The following CCDC178 variants were observed in gnomAD, a reference collection of about 807,000 sequenced individuals.
CCDC178 encodes coiled-coil domain containing 178, also known as coiled-coil domain-containing protein 178.
A neutral mutation model predicts 117.4 loss-of-function variants in CCDC178; 126 were observed. The ratio of observed to expected loss-of-function variants is 1.07; its 90% CI spans 0.93 to 1.24. The LOEUF is 1.24. Among genes scored for constraint, CCDC178 ranks in the 50% most tolerant of loss-of-function variants. The pLI, the probability that CCDC178 is intolerant of heterozygous loss-of-function variation, is 0.00. For missense variants in CCDC178, 1,030 were observed against 986.9 expected, an observed-to-expected ratio of 1.04 and a Z score of -0.59; for synonymous variants, 283 against 313.4, an observed-to-expected ratio of 0.90 and a Z score of 1.02.
At chr18:33,247,093 T>TGTGA (rs557237712) in intron 14 of CCDC178, among the ~76,000 whole-genome samples, 6,723 of 148,114 alleles carry the variant, frequency 0.045, 211 homozygotes, top group East Asian at 0.12. Flanking sequence ...TGTGTGTGTG[T>TGTGA]GAGAGAGAGA....
chr18:33,394,983 A>ATG (rs2063616318), intron 4 of CCDC178, among the ~76,000 whole-genome samples: 1 of 127,938 alleles, frequency 7.8e-6, no homozygotes, highest in Non-Finnish European at 1.7e-5. Flanking sequence ...ATATATATAT[A>ATG]TATATGTATA....
chr18:33,084,020 A>G (rs1035641302), intron 21 of CCDC178, among the ~76,000 whole-genome samples: 2 of 152,210 alleles, frequency 1.3e-5, no homozygotes, highest in African/African-American at 4.8e-5. Context: ...TGAAAAGACT[A>G]TGCTGCATTT....
chr18:32,959,160 C>T (rs776576960), intron 22 of CCDC178, among the ~76,000 whole-genome samples: 2 of 152,136 alleles, frequency 1.3e-5, no homozygotes, highest in African/African-American at 2.4e-5. Context: ...CATAAGCACT[C>T]ATTTGGAAAA....
In CCDC178 at chr18:33,370,106, T is replaced by C. The variant is rs1481031973; in HGVS notation, c.292A>G (p.Lys98Glu). Residue 98 changes from lysine to glutamate, a missense_variant, in exon 6 of 23, where the codon AAA becomes GAA. Lys to Glu is a moderately conservative substitution (Grantham distance 56). Coordinates refer to ENST00000383096, the MANE Select transcript of CCDC178 (RefSeq NM_001105528.4). Reference protein sequence around the residue: ...VVNIPAPCVNKMISHIQDVES... With the variant: ...VVNIPAPCVNEMISHIQDVES... ...ACATCTTGGATGTGTGAAATCATTT[T>C]GTTGACACAAGGTGCTGGAATATTT... 2 of 1,606,650 alleles carry C rather than the reference T, an allele frequency of 1.2e-6. No individual in the cohort carries two copies. The highest frequency in any genetic ancestry group is 2.2e-5 in the South Asian group (2 of 89,820).
chr18:33,236,108 CT>C (rs2059423653), intron 15 of CCDC178, among the ~76,000 whole-genome samples: 1 of 152,152 alleles, frequency 6.6e-6, no homozygotes, highest in Non-Finnish European at 1.5e-5. Flanking sequence ...TAAATTCTAC[CT>C]CTAGAGTTTC....
intron 2 of CCDC178, among the ~76,000 whole-genome samples, chr18:33,437,416 T>C (rs1484373574): frequency 2.6e-5 from 4 of 152,200 alleles, no homozygotes; most frequent in Non-Finnish European, 5.9e-5. Context: ...CCCTCCACCT[T>C]TGCTATTTTA....
intron 20 of CCDC178, among the ~76,000 whole-genome samples, chr18:33,175,967 TTTTTTCTTTA>T (rs888756585): frequency 6.6e-6 from 1 of 152,152 alleles, no homozygotes; most frequent in African/African-American, 2.4e-5. Flanking sequence ...CTACTGATTT[TTTTTTCTTTA>T]ACTGAAATCT....
intron 22 of CCDC178, among the ~76,000 whole-genome samples, chr18:32,965,484 T>C (rs1345722083): frequency 6.6e-6 from 1 of 151,976 alleles, no homozygotes; most frequent in Non-Finnish European, 1.5e-5. Flanking sequence ...TGACATATTT[T>C]AGATATATGT....
intron 20 of CCDC178, among the ~76,000 whole-genome samples, chr18:33,197,358 C>T (rs926334634): frequency 2.0e-5 from 3 of 152,092 alleles, no homozygotes; most frequent in Non-Finnish European, 4.4e-5. Context: ...AGAACAATGA[C>T]AAACGCAAGG....
chr18:33,078,565 T>C (rs1432044094), intron 21 of CCDC178, among the ~76,000 whole-genome samples: 1 of 152,188 alleles, frequency 6.6e-6, no homozygotes, highest in African/African-American at 2.4e-5. Context: ...CCTCAGCTGA[T>C]AAACAACTTC....
At chr18:33,367,867 CATTAGCATTT>C (rs2063235732) in intron 6 of CCDC178, among the ~76,000 whole-genome samples, 1 of 151,830 alleles carries the variant, frequency 6.6e-6, no homozygotes, top group Admixed American at 6.6e-5. Context: ...GAAAGTTTGT[CATTAGCATTT>C]ATTTCATAAT....
At chr18:33,285,373 A>G (rs2060086657) in intron 12 of CCDC178, among the ~76,000 whole-genome samples, 1 of 152,066 alleles carries the variant, frequency 6.6e-6, no homozygotes, top group Admixed American at 6.6e-5. Context: ...ATGGAAAAAA[A>G]TCACCAAGGT....
At chr18:33,409,160 T>C (rs2144888928) in intron 3 of CCDC178, among the ~76,000 whole-genome samples, 1 of 152,302 alleles carries the variant, frequency 6.6e-6, no homozygotes, top group African/African-American at 2.4e-5. Context: ...CAGAGCCGCA[T>C]GCGACATCTG....
chr18:33,158,051 C>T (rs969799535), intron 20 of CCDC178, among the ~76,000 whole-genome samples: 1 of 152,114 alleles, frequency 6.6e-6, no homozygotes, highest in Admixed American at 6.6e-5. Flanking sequence ...CTTTTGTAAA[C>T]ACTAGATACA....
rs867066136 is a variant in CCDC178, at chr18:33,387,863, G to C, written c.208+1677C>G. ...AACAAAAGCCAAAATTTACAAATGA[G>C]ATCTAATTAAACTACAGAGCTTCTG... On this transcript the variant is annotated intron_variant, in intron 5 of 22. Transcript: ENST00000383096. Among the ~76,000 whole-genome samples the C allele has an allele frequency of 3.4e-4, 52 of 152,232 alleles. 1 individual carries two copies. In the South Asian group the frequency reaches 0.011, roughly 32 times the overall value.
At chr18:33,178,872 C>A (rs897664415) in intron 20 of CCDC178, among the ~76,000 whole-genome samples, 1 of 150,892 alleles carries the variant, frequency 6.6e-6, no homozygotes, top group Non-Finnish European at 1.5e-5. Context: ...GTTCAATGCA[C>A]CCCACATTTA....
At position 33,249,235 on chromosome 18, in the gene CCDC178, G is replaced by C. The variant is rs147566767; in HGVS notation, c.1410-3807C>G. Among the ~76,000 whole-genome samples the C allele has an allele frequency of 8.9e-3, 1,348 of 152,094 alleles. 18 individuals are homozygous for C. Among genetic ancestry groups the C allele is most frequent in the African/African-American group, 0.03 (1,254 of 41,514 alleles). On this transcript the variant is annotated intron_variant, in intron 14 of 22. Coordinates refer to ENST00000383096, the MANE Select transcript of CCDC178 (RefSeq NM_001105528.4). ...TGTGGGTTGCCTGTTCACTCTGATGGTAGTTTCTTTTGCTGTGCAGAAGCT... is the reference window on the plus strand; with the variant it reads ...TGTGGGTTGCCTGTTCACTCTGATGCTAGTTTCTTTTGCTGTGCAGAAGCT...
chr18:33,239,567 T>C (rs1246085456), intron 15 of CCDC178, among the ~76,000 whole-genome samples: 7 of 150,136 alleles, frequency 4.7e-5, no homozygotes, highest in Non-Finnish European at 1.0e-4. Context: ...GCTGTACTTA[T>C]ATCAGACAAA....
At chr18:33,025,638 A>T (rs1394747630) in intron 21 of CCDC178, among the ~76,000 whole-genome samples, 1 of 152,234 alleles carries the variant, frequency 6.6e-6, no homozygotes, top group Non-Finnish European at 1.5e-5. Flanking sequence ...AAGCACATGA[A>T]GAGATGCCCA....
Sources: gnomAD v4.1 joint callset for allele counts (sites outside exome capture counted in the v4.1 genomes callset) on GRCh38, gnomAD v4.1.1 for gene constraint, MANE v1.5 for transcripts, NCBI Gene and HGNC (gene_info 2026-07-23, HGNC 2026-07-21) for gene names.